AOAH: variants seen among roughly 807,000 people sequenced by gnomAD.
The protein encoded by AOAH is acyloxyacyl hydrolase, also known as acyloxyacyl hydrolase (neutrophil).
In AOAH, 64 loss-of-function variants were observed where a neutral mutation model predicts 92.2. That is an observed-to-expected ratio of 0.69 (90% CI 0.57 to 0.86). AOAH has a LOEUF of 0.86. AOAH is among the 40% of genes least tolerant of loss of function. The pLI, the probability that AOAH is intolerant of heterozygous loss-of-function variation, is 0.00. For missense variants in AOAH, 656 were observed against 694.6 expected (o/e 0.94, Z 0.62); for synonymous variants, 263 against 254.5 (o/e 1.03, Z -0.32).
At chr7:36,555,829 A>G (rs1263699741) in intron 13 of AOAH, among the ~76,000 whole-genome samples, 7 of 152,006 alleles carry the variant, frequency 4.6e-5, no homozygotes, top group Non-Finnish European at 1.0e-4. Context: ...ATCGGTGGTG[A>G]TATCCCCTTT....
At chr7:36,708,471 T>C (rs1798563244) in intron 1 of AOAH, among the ~76,000 whole-genome samples, 1 of 152,186 alleles carries the variant, frequency 6.6e-6, no homozygotes, top group African/African-American at 2.4e-5. Context: ...TTTCCTTTAA[T>C]TCTTTCGCTA....
intron 13 of AOAH, among the ~76,000 whole-genome samples, chr7:36,551,225 C>T (rs1209325872): frequency 6.6e-6 from 1 of 151,966 alleles, no homozygotes; most frequent in Non-Finnish European, 1.5e-5. Context: ...AGGCATGTGC[C>T]ACCATGCTTG....
intron 1 of AOAH, among the ~76,000 whole-genome samples, chr7:36,709,956 T>C (rs989038261): frequency 2.0e-5 from 3 of 152,224 alleles, no homozygotes; most frequent in Admixed American, 6.5e-5. Context: ...TCATGTCTAT[T>C]TGGTGAATCA....
intron 14 of AOAH, 114 bp from the exon 15 acceptor site, chr7:36,548,800 CT>C: frequency 1.4e-6 from 1 of 689,984 alleles, no homozygotes; most frequent in Non-Finnish European, 2.4e-6. Context: ...CTCTTGGCAA[CT>C]TTTTGCTATT....
intron 13 of AOAH, among the ~76,000 whole-genome samples, chr7:36,575,948 C>A (rs890306868): frequency 2.0e-5 from 3 of 152,210 alleles, no homozygotes; most frequent in Admixed American, 6.5e-5. Flanking sequence ...AGTGCCAAGG[C>A]TGATTAGCAA....
chr7:36,671,376 T>A (rs1042530419), intron 3 of AOAH, among the ~76,000 whole-genome samples: 2 of 152,334 alleles, frequency 1.3e-5, no homozygotes, highest in Non-Finnish European at 2.9e-5. Context: ...AAACATATAG[T>A]CAGTATTTTG....
chr7:36,717,727 ATT>A (rs10624883), intron 1 of AOAH, among the ~76,000 whole-genome samples: 4 of 122,748 alleles, frequency 3.3e-5, no homozygotes, highest in Admixed American at 8.9e-5. Context: ...TTCTCTTCTT[ATT>A]TTTTTTTTTT....
chr7:36,623,165 T>G (rs773457204), intron 7 of AOAH, 25 bp downstream of exon 7: 1 of 1,595,882 alleles, frequency 6.3e-7, no homozygotes, highest in Non-Finnish European at 8.6e-7. Flanking sequence ...TTAGTGAACA[T>G]CTGGTTATTC....
rs908762603 is a variant in AOAH at position 36,686,869 on chromosome 7, TGC to T, written c.128-77_128-76del. 9.5e-5 allele frequency: 77 copies of T among 808,112 alleles called. 1 individual carries two copies. The highest frequency in any genetic ancestry group is 8.3e-4 in the South Asian group (37 of 44,438). The allele number at this position is 808,112 out of a possible 1,614,324, so 50.1% of individuals were successfully genotyped here. ...CTGGAGGGACAGGAGAAAGAAAGGATGCGTGTGTGTGTGTGTGTGTGTGTGTG... is the reference window on the plus strand; with the variant it reads ...CTGGAGGGACAGGAGAAAGAAAGGATGTGTGTGTGTGTGTGTGTGTGTGTG... On this transcript the variant is annotated intron_variant, in intron 1 of 20. Coordinates refer to ENST00000617537, the MANE Select transcript of AOAH (RefSeq NM_001637.4).
chr7:36,624,221 C>T (rs950532981), intron 6 of AOAH, among the ~76,000 whole-genome samples: 1 of 152,200 alleles, frequency 6.6e-6, no homozygotes, highest in African/African-American at 2.4e-5. Context: ...ATTCTTTGTT[C>T]AAGATGCCAA....
intron 2 of AOAH, among the ~76,000 whole-genome samples, chr7:36,675,872 A>G (rs1208630340): frequency 6.6e-6 from 1 of 152,156 alleles, no homozygotes; most frequent in Non-Finnish European, 1.5e-5. Context: ...CATATCAACA[A>G]CATAAAAAAA....
chr7:36,693,267 T>C (rs1310855958), intron 1 of AOAH, among the ~76,000 whole-genome samples: 1 of 152,238 alleles, frequency 6.6e-6, no homozygotes, highest in Non-Finnish European at 1.5e-5. Context: ...GATATCTATC[T>C]AGTTACAAAA....
Position 36,514,392 on chromosome 7 carries a change from G to A in AOAH, c.1600-1012C>T, listed in dbSNP as rs977724621. ...TCCTGGCAGGCTGTGAGGGCAGGGA[G>A]TCTGGCTGAAGTGCCAGAGAGGAAT... On this transcript the variant is annotated intron_variant, in intron 20 of 20. Coordinates refer to ENST00000617537, the MANE Select transcript of AOAH (RefSeq NM_001637.4). The A allele has an allele frequency of 1.1e-5, 12 of 1,126,722 alleles. No homozygotes were observed. The African/African-American group carries it at 1.7e-4, about 16-fold the overall frequency. The allele number at this position is 1,126,722 out of a possible 1,614,324, so 69.8% of individuals were successfully genotyped here. A position where few individuals can be genotyped will look rare whatever the true frequency, so the allele number is the denominator to read the frequency against.
Position 36,660,521 on chromosome 7 carries a change from C to T in AOAH, c.291-1256G>A, listed in dbSNP as rs191685321. ...TAGTAGAGATAGGGTTTCACTGTGT[C>T]GGTCAGGCTGGTCTCGAACTCTTGA... On this transcript the variant is annotated intron_variant, in intron 3 of 20. Coordinates refer to ENST00000617537, the MANE Select transcript of AOAH (RefSeq NM_001637.4). Among the ~76,000 whole-genome samples, 303 of 152,164 alleles carry T rather than the reference C, an allele frequency of 2.0e-3. 3 individuals are homozygous for T. Among genetic ancestry groups the T allele is most frequent in the African/African-American group, 7.1e-3 (295 of 41,526 alleles).
At chr7:36,625,155 C>T (rs925546746) in intron 6 of AOAH, among the ~76,000 whole-genome samples, 3 of 152,112 alleles carry the variant, frequency 2.0e-5, no homozygotes, top group African/African-American at 7.2e-5. Flanking sequence ...TCCTACATTC[C>T]TGCCCTGGGG....
chr7:36,547,032 C>T (rs542124208), intron 15 of AOAH, among the ~76,000 whole-genome samples: 1 of 152,308 alleles, frequency 6.6e-6, no homozygotes, highest in South Asian at 2.1e-4. Flanking sequence ...CTTTGATGCT[C>T]AATACCAGAA....
At chr7:36,695,217 A>G (rs991267760) in intron 1 of AOAH, among the ~76,000 whole-genome samples, 1 of 152,202 alleles carries the variant, frequency 6.6e-6, no homozygotes, top group Non-Finnish European at 1.5e-5. Flanking sequence ...GATCATCAGG[A>G]TTTGGGAATT....
rs575087400 is a variant in AOAH, at chr7:36,685,925, G to A, written c.223+774C>T. On this transcript the variant is annotated intron_variant, in intron 2 of 20. Transcript: ENST00000617537. ...AAAAGACTTTGATGCTATTGGCACA[G>A]CATACTGTGTCAATCAAAGATACAA... Among the ~76,000 whole-genome samples, 86 of 152,112 alleles carry A rather than the reference G, an allele frequency of 5.7e-4. No homozygotes were observed. In the Middle Eastern group the frequency reaches 0.017, roughly 30 times the overall value.
intron 11 of AOAH, among the ~76,000 whole-genome samples, chr7:36,611,991 G>A (rs1238986722): frequency 1.3e-5 from 2 of 152,168 alleles, no homozygotes; most frequent in Non-Finnish European, 2.9e-5. Context: ...TGTAAAGTGA[G>A]GCAGTGTTGT....
Sources: gnomAD v4.1 joint callset for allele counts (sites outside exome capture counted in the v4.1 genomes callset) on GRCh38, gnomAD v4.1.1 for gene constraint, MANE v1.5 for transcripts, NCBI Gene and HGNC (gene_info 2026-07-23, HGNC 2026-07-21) for gene names.